Variants in GALNT17 observed in about 807,000 individuals in gnomAD.
GALNT17 encodes UDP-GalNAc:polypeptide N-acetylgalactosaminyltransferase-like 3.
In GALNT17, 29 loss-of-function variants were observed where a neutral mutation model predicts 63.7. That is an observed-to-expected ratio of 0.46 (90% confidence interval 0.34 to 0.62). The LOEUF (loss-of-function observed/expected upper bound fraction) is 0.62. GALNT17 is among the 20% of genes least tolerant of loss of function. GALNT17 has a pLI of 0.01. For synonymous variants in GALNT17, 305 were observed against 318.3 expected (o/e 0.96, Z 0.45); for missense variants, 603 against 799.6 (o/e 0.75, Z 2.97).
chr7:71,270,218 A>C (rs767498735), intron 1 of GALNT17, among the ~76,000 whole-genome samples: 1 of 152,104 alleles, frequency 6.6e-6, no homozygotes, highest in East Asian at 1.9e-4. Context: ...TGTGATCTGC[A>C]CTCAGACCTT....
At chr7:71,564,059 T>C (rs533339903) in intron 5 of GALNT17, among the ~76,000 whole-genome samples, 1 of 152,018 alleles carries the variant, frequency 6.6e-6, no homozygotes, top group South Asian at 2.1e-4. Flanking sequence ...TCCTCCACAA[T>C]GATCCAGTTA....
At chr7:71,565,332 G>A (rs1274806464) in intron 5 of GALNT17, among the ~76,000 whole-genome samples, 1 of 151,984 alleles carries the variant, frequency 6.6e-6, no homozygotes, top group African/African-American at 2.4e-5. Context: ...AGAGGGATCT[G>A]AAGAAGAGGG....
chr7:71,279,116 G>A (rs1790735223), intron 1 of GALNT17, among the ~76,000 whole-genome samples: 1 of 151,664 alleles, frequency 6.6e-6, no homozygotes, highest in African/African-American at 2.4e-5. Context: ...AGTAGAGATG[G>A]GTTTCACCAT....
At chr7:71,232,876 T>G (rs1789818472) in intron 1 of GALNT17, among the ~76,000 whole-genome samples, 2 of 152,142 alleles carry the variant, frequency 1.3e-5, no homozygotes, top group South Asian at 4.1e-4. Context: ...GAGGTGCTTT[T>G]GGTGCCTCTT....
chr7:71,674,832 C>T lies in GALNT17; in HGVS notation c.1405-2379C>T, dbSNP rs115232473. Among the ~76,000 whole-genome samples, 1,283 of 152,228 alleles carry T rather than the reference C, an allele frequency of 8.4e-3. 30 individuals are homozygous for T. The highest frequency in any genetic ancestry group is 0.029 in the African/African-American group (1,210 of 41,538). On this transcript the variant is annotated intron_variant, in intron 8 of 10. Transcript: ENST00000333538. Reference sequence around the variant, plus strand: ...GCACCCAGCCCACATATGCTTTTAACGCTTAGGGAAGGAGTCATCTCCTCT... The same window carrying T: ...GCACCCAGCCCACATATGCTTTTAATGCTTAGGGAAGGAGTCATCTCCTCT...
At chr7:71,339,104 A>G (rs1204200791) in intron 2 of GALNT17, among the ~76,000 whole-genome samples, 11 of 152,220 alleles carry the variant, frequency 7.2e-5, no homozygotes, top group Admixed American at 7.2e-4. Context: ...TACTTCTATA[A>G]GAATGAAAAT....
chr7:71,550,023 T>C (rs1014076818), intron 5 of GALNT17, among the ~76,000 whole-genome samples: 1 of 151,728 alleles, frequency 6.6e-6, no homozygotes, highest in African/African-American at 2.4e-5. Context: ...GAATGTACTA[T>C]GTACAAAATA....
intron 1 of GALNT17, among the ~76,000 whole-genome samples, chr7:71,321,212 C>T (rs1791600201): frequency 6.6e-6 from 1 of 152,130 alleles, no homozygotes; most frequent in Admixed American, 6.5e-5. Flanking sequence ...CCTTTTTCCC[C>T]CTTGTGCAGC....
intron 1 of GALNT17, among the ~76,000 whole-genome samples, chr7:71,329,493 T>C (rs1209426194): frequency 1.3e-5 from 2 of 152,098 alleles, no homozygotes; most frequent in South Asian, 2.1e-4. Context: ...CTACTGCTAT[T>C]AAAAACTACC....
intron 6 of GALNT17, among the ~76,000 whole-genome samples, chr7:71,639,999 A>T (rs1790581611): frequency 6.6e-6 from 1 of 152,244 alleles, no homozygotes; most frequent in African/African-American, 2.4e-5. Flanking sequence ...GGGTAAGTGC[A>T]AAACAAAGCA....
chr7:71,446,399 A>G (rs1191287135), intron 5 of GALNT17, among the ~76,000 whole-genome samples: 4 of 152,222 alleles, frequency 2.6e-5, no homozygotes, highest in African/African-American at 7.2e-5. Flanking sequence ...TTAATATTTC[A>G]TGAGTAGCTT....
At chr7:71,449,010 T>TA (rs1446673523) in intron 5 of GALNT17, among the ~76,000 whole-genome samples, 1 of 152,010 alleles carries the variant, frequency 6.6e-6, no homozygotes, top group East Asian at 1.9e-4. Flanking sequence ...TTCCATTTGT[T>TA]AAAGTTGACA....
chr7:71,389,858 T>C (rs1793017999), intron 3 of GALNT17, among the ~76,000 whole-genome samples: 1 of 152,176 alleles, frequency 6.6e-6, no homozygotes, highest in Non-Finnish European at 1.5e-5. Flanking sequence ...AATTCAGCGC[T>C]ACTAGGAATG....
At chr7:71,192,303 C>G (rs760763898) in intron 1 of GALNT17, among the ~76,000 whole-genome samples, 2 of 152,154 alleles carry the variant, frequency 1.3e-5, no homozygotes, top group Non-Finnish European at 2.9e-5. Flanking sequence ...TGGCAACACC[C>G]TCACAGACAC....
At chr7:71,353,623 G>T (rs1792226695) in intron 2 of GALNT17, among the ~76,000 whole-genome samples, 1 of 152,080 alleles carries the variant, frequency 6.6e-6, no homozygotes, top group Non-Finnish European at 1.5e-5. Flanking sequence ...ATGTGCTTTT[G>T]TGGCAGGAAT....
intron 5 of GALNT17, among the ~76,000 whole-genome samples, chr7:71,529,206 A>T (rs1406239419): frequency 2.0e-5 from 3 of 152,168 alleles, no homozygotes; most frequent in Non-Finnish European, 4.4e-5. Context: ...AGGATAGGAA[A>T]TAACCCAGGA....
intron 1 of GALNT17, among the ~76,000 whole-genome samples, chr7:71,235,591 A>G (rs1789873066): frequency 6.6e-6 from 1 of 152,140 alleles, no homozygotes; most frequent in African/African-American, 2.4e-5. Flanking sequence ...ACAAAATAAA[A>G]CGTCATCAGA....
chr7:71,497,203 A>G (rs1788110453), intron 5 of GALNT17, among the ~76,000 whole-genome samples: 1 of 152,242 alleles, frequency 6.6e-6, no homozygotes. Context: ...TTGTATCTGC[A>G]ATGAGCTGAC....
intron 5 of GALNT17, among the ~76,000 whole-genome samples, chr7:71,502,991 C>T (rs1788204938): frequency 6.6e-6 from 1 of 152,086 alleles, no homozygotes. Context: ...CATTAGCCCC[C>T]TGCACTGTTG....
Sources: allele counts gnomAD v4.1 joint callset (sites outside exome capture counted in the v4.1 genomes callset), GRCh38; gene constraint gnomAD v4.1.1; transcripts MANE v1.5; gene names NCBI Gene and HGNC (gene_info 2026-07-23, HGNC 2026-07-21).